Variants in ANGPT2 observed in about 807,000 individuals in gnomAD.
ANGPT2 encodes the protein angiopoietin 2.
A neutral mutation model predicts 62.9 loss-of-function variants in ANGPT2; 28 were observed. The observed-to-expected ratio is 0.44, with a 90% CI of 0.33 to 0.61. The LOEUF (loss-of-function observed/expected upper bound fraction) is 0.61, where lower values mean the gene tolerates loss of function less well. Ranked by LOEUF, ANGPT2 falls within the 20% of genes least tolerant of loss-of-function variation. The pLI is 0.03. For missense variants in ANGPT2, 727 were observed against 594.9 expected (o/e 1.22, Z -2.31); for synonymous variants, 284 against 207.8 (o/e 1.37, Z -3.15).
intron 1 of ANGPT2, among the ~76,000 whole-genome samples, chr8:6,547,885 AT>A (rs78972556): frequency 0.062 from 7,336 of 118,852 alleles, 283 homozygotes; most frequent in African/African-American, 0.15. Context: ...TCTTACCCCC[AT>A]TTTTTTTTTT....
chr8:6,504,600 T>C (rs956014698), intron 8 of ANGPT2, among the ~76,000 whole-genome samples: 4 of 152,148 alleles, frequency 2.6e-5, no homozygotes, highest in African/African-American at 9.7e-5. Context: ...AATTCAGATA[T>C]GTCAAAGAGA....
rs761570329 is a variant in ANGPT2 at position 6,501,553 on chromosome 8, CTTTTT to C, written c.*1543_*1547del. 3 of 128,048 alleles carry C rather than the reference CTTTTT, an allele frequency of 2.3e-5. No homozygotes were observed. The highest frequency in any genetic ancestry group is 7.8e-5 in the Admixed American group (1 of 12,754). 7.9% of individuals were successfully genotyped at this position (128,048 alleles called of 1,614,324 possible). A position where few individuals can be genotyped will look rare whatever the true frequency, so the allele number is the denominator to read the frequency against. On this transcript the variant is annotated 3_prime_UTR_variant, in exon 9 of 9. Coordinates refer to ENST00000629816, the MANE Select transcript of ANGPT2 (RefSeq NM_001118887.2). ...TGTGTTCTCAAATTTTCTTTTCTTT[CTTTTT>C]TTTTTTTTTTTTTTGAGATGGAGTC...
In ANGPT2 at chr8:6,537,812, A is replaced by G. The variant is rs138788465; in HGVS notation, c.289-5325T>C. Among the ~76,000 whole-genome samples, 19 of 152,290 alleles carry G rather than the reference A, an allele frequency of 1.2e-4. No homozygotes were observed. In the East Asian group the frequency reaches 3.7e-3, roughly 29 times the overall value. ...CAGTAAAGGAAAACATAGATAATATATGAAAACTATCCCCAACTTGGAGAT... is the reference window on the plus strand; with the variant it reads ...CAGTAAAGGAAAACATAGATAATATGTGAAAACTATCCCCAACTTGGAGAT... On this transcript the variant is annotated intron_variant, in intron 1 of 8. Coordinates refer to ENST00000629816, the MANE Select transcript of ANGPT2 (RefSeq NM_001118887.2).
intron 1 of ANGPT2, among the ~76,000 whole-genome samples, chr8:6,534,540 AC>A (rs1200484848): frequency 6.6e-6 from 1 of 152,234 alleles, no homozygotes; most frequent in Non-Finnish European, 1.5e-5. Flanking sequence ...AAGTGCTGGG[AC>A]TACGAGCGTG....
chr8:6,509,397 T>C (rs1814482680), intron 7 of ANGPT2, among the ~76,000 whole-genome samples: 1 of 152,190 alleles, frequency 6.6e-6, no homozygotes, highest in South Asian at 2.1e-4. Context: ...TCCTCCCAGG[T>C]CTCCAGTCAT....
chr8:6,524,577 C>G (rs779346910), intron 3 of ANGPT2, among the ~76,000 whole-genome samples: 3 of 152,182 alleles, frequency 2.0e-5, no homozygotes, highest in Non-Finnish European at 2.9e-5. Context: ...TTCCGTTTAA[C>G]AGAGATGTAT....
At chr8:6,562,139 T>A (rs1240952849) in intron 1 of ANGPT2, among the ~76,000 whole-genome samples, 1 of 152,220 alleles carries the variant, frequency 6.6e-6, no homozygotes, top group African/African-American at 2.4e-5. Context: ...AGTCACAACC[T>A]ATTTTAGTAA....
Position 6,503,257 on chromosome 8 carries a change from C to G in ANGPT2, c.1332G>C (p.Trp444Cys). 6.2e-7 allele frequency: 1 copy of G among 1,614,082 alleles called. No individual in the cohort carries two copies. Among genetic ancestry groups the G allele is most frequent in the Non-Finnish European group, 8.5e-7 (1 of 1,180,008 alleles). ...CKCSQMLTGG[W>C]WFDACGPSNL... ...TGGAAGGACCACATGCATCAAACCA[C>G]CAGCCTGTGAAAGTAAAACACAGAA... Residue 444 changes from tryptophan to cysteine, a missense_variant, in exon 9 of 9, where the codon TGG (tryptophan) becomes TGC (cysteine). Physicochemically the swap from Trp to Cys is radical, Grantham distance 215 (BLOSUM62 -2). Transcript: ENST00000629816.
In ANGPT2 at chr8:6,514,769, C is replaced by A; in HGVS notation, c.937G>T (p.Asp313Tyr). Residue 313 changes from aspartate to tyrosine, a missense_variant, in exon 6 of 9, where the codon GAC becomes TAC. Physicochemically the swap from Asp to Tyr is radical, Grantham distance 160. Transcript: ENST00000629816. ...CACCCGCCTCCTCCAGCTTCCATGTCACAGTAGGCCTGCAAACAGGAATGC... is the reference window on the plus strand; with the variant it reads ...CACCCGCCTCCTCCAGCTTCCATGTAACAGTAGGCCTGCAAACAGGAATGC... ...NSTEEIKAYC[D>Y]MEAGGGGWTI... 1.9e-6 allele frequency: 3 copies of A among 1,614,030 alleles called. No homozygotes were observed. The highest frequency in any genetic ancestry group is 2.5e-6 in the Non-Finnish European group (3 of 1,179,978).
At chr8:6,532,248 G>A (rs1586425310) in intron 2 of ANGPT2, 84 bp downstream of exon 2, 1 of 1,498,662 alleles carries the variant, frequency 6.7e-7, no homozygotes, top group East Asian at 2.3e-5. Flanking sequence ...AGTTTCTCAT[G>A]CCTTCATTGA....
chr8:6,503,485 C>G (rs1245545926), intron 8 of ANGPT2, among the ~76,000 whole-genome samples: 3 of 152,192 alleles, frequency 2.0e-5, no homozygotes, highest in African/African-American at 7.2e-5. Context: ...AAGCCTTCTT[C>G]CACCTTTTCC....
chr8:6,553,707 G>A (rs541250587), intron 1 of ANGPT2, among the ~76,000 whole-genome samples: 2 of 150,826 alleles, frequency 1.3e-5, no homozygotes, highest in South Asian at 2.1e-4. Context: ...CCTTCTGGTT[G>A]GTGGTCTTGG....
In ANGPT2 at chr8:6,527,556, T is replaced by G; in HGVS notation, c.565A>C (p.Ser189Arg). Residue 189 changes from serine to arginine, a missense_variant and splice_region_variant, in exon 3 of 9, where the codon AGT (serine) becomes CGT (arginine). Transcript: ENST00000629816. ...TAAATGTTTTAGTACTGTTATTACC[T>G]GTTCTTATCTTGCAATTTGTTTATT... ...SEINKLQDKNSFLEKKVLAME... is the reference protein window; with the variant it reads ...SEINKLQDKNRFLEKKVLAME... 1.2e-6 allele frequency: 2 copies of G among 1,613,498 alleles called. No individual in the cohort carries two copies. Among genetic ancestry groups the G allele is most frequent in the Non-Finnish European group, 1.7e-6 (2 of 1,179,798 alleles).
At chr8:6,554,752 G>A (rs1039574647) in intron 1 of ANGPT2, among the ~76,000 whole-genome samples, 18 of 152,146 alleles carry the variant, frequency 1.2e-4, no homozygotes, top group African/African-American at 3.4e-4. Context: ...AGGAGCCCTC[G>A]GAGGGAGCGG....
At chr8:6,513,361 C>G (rs1445051530) in intron 7 of ANGPT2, among the ~76,000 whole-genome samples, 1 of 140,316 alleles carries the variant, frequency 7.1e-6, no homozygotes, top group Non-Finnish European at 1.5e-5. Context: ...GAGACGGAGT[C>G]TTGCTCTGTC....
chr8:6,556,226 TAC>T (rs1824585293), intron 1 of ANGPT2, among the ~76,000 whole-genome samples: 1 of 152,176 alleles, frequency 6.6e-6, no homozygotes, highest in Admixed American at 6.5e-5. Context: ...CTACAGCATA[TAC>T]AGTGTTTACA....
At chr8:6,527,899 A>ATTTTTTTTTTTTTTTTTTT (rs71213313) in intron 2 of ANGPT2, among the ~76,000 whole-genome samples, 8 of 133,122 alleles carry the variant, frequency 6.0e-5, no homozygotes, top group Non-Finnish European at 1.1e-4. Context: ...CCACGTCTCT[A>ATTTTTTTTTTTTTTTTTTT]TTTTTTTTTT....
intron 6 of ANGPT2, 33 bp downstream of exon 6, chr8:6,514,644 A>G (rs1352597016): frequency 3.1e-6 from 5 of 1,588,040 alleles, no homozygotes; most frequent in African/African-American, 1.3e-5. Context: ...CACAAGGGAA[A>G]TTCTTTTCTG....
At chr8:6,544,685 G>C (rs1415778486) in intron 1 of ANGPT2, among the ~76,000 whole-genome samples, 1 of 152,098 alleles carries the variant, frequency 6.6e-6, no homozygotes, top group African/African-American at 2.4e-5. Context: ...TCATTCTAAA[G>C]TAATTTTTAC....
Sources: gnomAD v4.1 joint callset for allele counts (sites outside exome capture counted in the v4.1 genomes callset) on GRCh38, gnomAD v4.1.1 for gene constraint, MANE v1.5 for transcripts, NCBI Gene and HGNC (gene_info 2026-07-23, HGNC 2026-07-21) for gene names.